ERI1: variants seen among roughly 807,000 people sequenced by gnomAD.
The protein encoded by ERI1 is exoribonuclease 1, also known as 3'-5' exoribonuclease 1.
A neutral mutation model predicts 39.7 loss-of-function variants in ERI1; 39 were observed. That is an observed-to-expected ratio of 0.98 (90% CI 0.76 to 1.28). The LOEUF is 1.28. ERI1 is among the 50% of genes most tolerant of loss of function. ERI1 has a pLI of 0.00. For missense variants in ERI1, 581 were observed against 416.9 expected (o/e 1.39, Z -3.43); for synonymous variants, 204 against 149.6 (o/e 1.36, Z -2.65).
At chr8:9,034,826 C>A (rs1281191160), downstream of ERI1, among the ~76,000 whole-genome samples, 1 of 152,126 alleles carries the variant, frequency 6.6e-6, no homozygotes, top group Non-Finnish European at 1.5e-5. Context: ...GCCTTTTGAT[C>A]CAAATTAGCA....
At chr8:9,004,525 C>G (rs1222617651) in intron 1 of ERI1, among the ~76,000 whole-genome samples, 2 of 118,644 alleles carry the variant, frequency 1.7e-5, no homozygotes, top group Non-Finnish European at 3.2e-5. Flanking sequence ...AAAAGCCGGT[C>G]GTAGTTGCCC....
At chr8:9,014,372 C>G (rs1160963542) in intron 3 of ERI1, among the ~76,000 whole-genome samples, 1 of 152,126 alleles carries the variant, frequency 6.6e-6, no homozygotes, top group Non-Finnish European at 1.5e-5. Flanking sequence ...ACTTGATTAT[C>G]CTATTTAAGA....
intron 3 of ERI1, among the ~76,000 whole-genome samples, chr8:9,013,804 C>T (rs560903781): frequency 3.4e-4 from 52 of 152,134 alleles, no homozygotes; most frequent in African/African-American, 1.3e-3. Context: ...TTGGAGTCAT[C>T]TTTGACTCTT....
chr8:9,009,774 G>A (rs1319325967), intron 2 of ERI1, among the ~76,000 whole-genome samples: 1 of 152,190 alleles, frequency 6.6e-6, no homozygotes, highest in Non-Finnish European at 1.5e-5. Context: ...TCCAGCTCAA[G>A]TGATTCACCC....
intron 3 of ERI1, among the ~76,000 whole-genome samples, chr8:9,073,016 C>A (rs1299701581): frequency 6.6e-6 from 1 of 152,226 alleles, no homozygotes; most frequent in South Asian, 2.1e-4. Context: ...TTAATTTACA[C>A]CCCTCTTCTA....
intron 6 of ERI1, among the ~76,000 whole-genome samples, chr8:9,029,247 A>T (rs1326755298): frequency 6.6e-6 from 1 of 152,196 alleles, no homozygotes; most frequent in African/African-American, 2.4e-5. Context: ...TTTTTAAATT[A>T]AAAAACTGCA....
intron 3 of ERI1, among the ~76,000 whole-genome samples, chr8:9,049,456 G>T (rs573645879): frequency 1.3e-5 from 2 of 151,644 alleles, no homozygotes; most frequent in South Asian, 2.1e-4. Flanking sequence ...TGAGGTTGGG[G>T]TGAAGGGAGT....
At chr8:9,007,654 T>C (rs1351756067) in intron 1 of ERI1, among the ~76,000 whole-genome samples, 1 of 152,222 alleles carries the variant, frequency 6.6e-6, no homozygotes, top group Non-Finnish European at 1.5e-5. Flanking sequence ...AAAGTCATGC[T>C]GCTATTTCTA....
intron 3 of ERI1, among the ~76,000 whole-genome samples, chr8:9,062,420 G>A (rs1208647947): frequency 2.6e-5 from 4 of 151,488 alleles, no homozygotes; most frequent in Non-Finnish European, 4.4e-5. Context: ...CCTAATAAGG[G>A]AACCGGGCAG....
At chr8:9,056,804 C>T (rs1228938846) in intron 3 of ERI1, among the ~76,000 whole-genome samples, 1 of 152,138 alleles carries the variant, frequency 6.6e-6, no homozygotes, top group Non-Finnish European at 1.5e-5. Flanking sequence ...TTTTGACTAT[C>T]CCATCAATTA....
At chr8:9,065,959 A>G (rs974328496) in intron 3 of ERI1, among the ~76,000 whole-genome samples, 1 of 152,050 alleles carries the variant, frequency 6.6e-6, no homozygotes, top group Admixed American at 6.5e-5. Context: ...TGTCTAGTTT[A>G]TGAGAAGGGA....
At chr8:9,073,114 A>G (rs963408537) in intron 3 of ERI1, among the ~76,000 whole-genome samples, 1 of 152,140 alleles carries the variant, frequency 6.6e-6, no homozygotes, top group East Asian at 1.9e-4. Context: ...TTCTGCTGTC[A>G]GTCAGTTTGA....
intron 2 of ERI1, among the ~76,000 whole-genome samples, chr8:9,009,549 T>G (rs1364676651): frequency 6.6e-6 from 1 of 152,172 alleles, no homozygotes; most frequent in Non-Finnish European, 1.5e-5. Context: ...CTTTTATTTT[T>G]TATTTTTTTG....
chr8:9,053,498 C>G (rs1288151970), intron 3 of ERI1, among the ~76,000 whole-genome samples: 1 of 152,214 alleles, frequency 6.6e-6, no homozygotes, highest in African/African-American at 2.4e-5. Flanking sequence ...TCCTACACGT[C>G]TCTTCCATTT....
intron 3 of ERI1, among the ~76,000 whole-genome samples, chr8:9,053,681 C>A (rs565864003): frequency 2.0e-5 from 3 of 152,292 alleles, no homozygotes; most frequent in African/African-American, 7.2e-5. Context: ...ACCCCACTGG[C>A]CCTGGACGTT....
At chr8:9,036,959 C>A (rs144870629), downstream of ERI1, among the ~76,000 whole-genome samples, 66 of 152,280 alleles carry the variant, frequency 4.3e-4, no homozygotes, top group African/African-American at 1.5e-3. Flanking sequence ...CCCTCCCTCC[C>A]CCTTTTAGCA....
chr8:9,081,646 A>G (rs1319818175), intron 3 of ERI1, among the ~76,000 whole-genome samples: 2 of 149,924 alleles, frequency 1.3e-5, no homozygotes, highest in African/African-American at 4.9e-5. Flanking sequence ...AACACTTAAA[A>G]CAACTCCCAT....
chr8:9,075,043 G>C (rs1232664100), intron 3 of ERI1, among the ~76,000 whole-genome samples: 1 of 152,178 alleles, frequency 6.6e-6, no homozygotes, highest in Non-Finnish European at 1.5e-5. Context: ...AATCGTATCT[G>C]AGCCAAAGGC....
At chr8:9,028,973 GTT>G (rs34569795) in intron 6 of ERI1, among the ~76,000 whole-genome samples, 16,407 of 112,884 alleles carry the variant, frequency 0.15, 1,145 homozygotes, top group Middle Eastern at 0.17. Context: ...GAGTGTGAGA[GTT>G]TTTTTTTTTT....
Sources: gnomAD v4.1 joint callset for allele counts (sites outside exome capture counted in the v4.1 genomes callset) on GRCh38, gnomAD v4.1.1 for gene constraint, MANE v1.5 for transcripts, NCBI Gene and HGNC (gene_info 2026-07-23, HGNC 2026-07-21) for gene names.